The following SLC9A6 variants were observed in gnomAD, a reference collection of about 807,000 sequenced individuals.
SLC9A6 encodes solute carrier family 9 member A6.
SLC9A6 carries 6 observed loss-of-function variants against 45.3 expected under a neutral mutation model. That is an observed-to-expected ratio of 0.13 (90% CI 0.07 to 0.26). SLC9A6 has a LOEUF of 0.26. SLC9A6 is among the 10% of genes least tolerant of loss of function. SLC9A6 has a pLI of 1.00. For missense variants in SLC9A6, 278 were observed against 503.7 expected, an observed-to-expected ratio of 0.55 and a Z score of 4.29; for synonymous variants, 191 against 187.7, an observed-to-expected ratio of 1.02 and a Z score of -0.14.
At chrX:136,035,734 C>T (rs1251428753) in intron 16 of SLC9A6, among the ~76,000 whole-genome samples, 1 of 109,703 alleles carries the variant, frequency 9.1e-6, no homozygotes, top group African/African-American at 3.3e-5. Context: ...ATATGTTTAA[C>T]GTGTTTTTTG....
chrX:135,995,794 G>A, intron 3 of SLC9A6, among the ~76,000 whole-genome samples: 1 of 111,190 alleles, frequency 9.0e-6, no homozygotes, highest in Non-Finnish European at 1.9e-5. Context: ...CCCTAAGTGT[G>A]AGTCTGAGTT....
At chrX:136,039,990 C>A in intron 16 of SLC9A6, 86 bp from the exon 17 acceptor site, 1 of 743,874 alleles carries the variant, frequency 1.3e-6, no homozygotes. Context: ...GAAGTGGTTA[C>A]TATACTATGA....
At chrX:136,033,593 T>A (rs1053339522) in intron 16 of SLC9A6, 100 bp downstream of exon 16, 1 of 468,495 alleles carries the variant, frequency 2.1e-6, no homozygotes, top group Non-Finnish European at 3.7e-6. Flanking sequence ...TGGAGCAGAA[T>A]ATAAAACCTA....
At chrX:135,996,827 C>T (rs1241928752) in intron 3 of SLC9A6, among the ~76,000 whole-genome samples, 3 of 109,939 alleles carry the variant, frequency 2.7e-5, no homozygotes, top group East Asian at 2.8e-4. Flanking sequence ...AGTGCAGTGG[C>T]GTGATCTCGG....
At chrX:136,018,956 CTT>C (rs1449350700) in intron 11 of SLC9A6, among the ~76,000 whole-genome samples, 3 of 111,090 alleles carry the variant, frequency 2.7e-5, no homozygotes, top group African/African-American at 9.8e-5. Context: ...AGATCAGTAA[CTT>C]AATGTCCTGC....
chrX:135,982,507 A>G (rs2089291523), upstream of SLC9A6, among the ~76,000 whole-genome samples: 1 of 106,470 alleles, frequency 9.4e-6, no homozygotes, highest in African/African-American at 3.4e-5. Flanking sequence ...TTTTTGAGAC[A>G]AAGTCTCACT....
intron 16 of SLC9A6, among the ~76,000 whole-genome samples, chrX:136,035,648 T>C (rs930934065): frequency 8.0e-5 from 9 of 112,158 alleles, no homozygotes; most frequent in African/African-American, 1.9e-4. Context: ...CATGAATATA[T>C]ATCTTTTGGT....
At chrX:135,990,359 T>C (rs1414315289) in intron 2 of SLC9A6, among the ~76,000 whole-genome samples, 1 of 111,773 alleles carries the variant, frequency 8.9e-6, no homozygotes, top group Non-Finnish European at 1.9e-5. Context: ...TGCCTCCCTC[T>C]ATGTAGGAGG....
At chrX:135,991,889 G>C (rs6635208) in intron 2 of SLC9A6, among the ~76,000 whole-genome samples, 1 of 109,722 alleles carries the variant, frequency 9.1e-6, no homozygotes, top group Admixed American at 9.8e-5. Flanking sequence ...AATGTTGGCT[G>C]TTAATAGATC....
chrX:135,990,439 C>T (rs2089412318), intron 2 of SLC9A6, among the ~76,000 whole-genome samples: 1 of 112,405 alleles, frequency 8.9e-6, no homozygotes. Context: ...ATTGCTTTGA[C>T]TCTATGACTA....
At chrX:135,989,978 GT>G (rs1273807280) in intron 2 of SLC9A6, among the ~76,000 whole-genome samples, 1 of 110,728 alleles carries the variant, frequency 9.0e-6, no homozygotes, top group African/African-American at 3.3e-5. Context: ...TTGTGGTTGT[GT>G]TTTTTTTGTT....
chrX:136,039,875 T>G (rs1419066570), intron 16 of SLC9A6, among the ~76,000 whole-genome samples: 1 of 112,084 alleles, frequency 8.9e-6, no homozygotes, highest in African/African-American at 3.2e-5. Flanking sequence ...AGCCTCAGTT[T>G]CCATATCTGT....
intron 13 of SLC9A6, among the ~76,000 whole-genome samples, chrX:136,026,627 C>G (rs2071231263): frequency 9.1e-6 from 1 of 110,101 alleles, no homozygotes; most frequent in Non-Finnish European, 1.9e-5. Context: ...CCTCCGCCTC[C>G]CAGGTTCAAG....
upstream of SLC9A6, among the ~76,000 whole-genome samples, chrX:135,974,422 G>A (rs1369421286): frequency 1.8e-5 from 1 of 55,393 alleles, no homozygotes; most frequent in Non-Finnish European, 3.3e-5. Context: ...GGGACCGAGG[G>A]GCGGGGAGGA....
intron 10 of SLC9A6, among the ~76,000 whole-genome samples, chrX:136,014,426 G>T (rs189909235): frequency 8.9e-6 from 1 of 112,082 alleles, no homozygotes; most frequent in Non-Finnish European, 1.9e-5. Flanking sequence ...AGGGGGCGGT[G>T]GGGGAGGGGA....
At chrX:135,999,267 C>G (rs932285164) in intron 6 of SLC9A6, among the ~76,000 whole-genome samples, 12 of 109,497 alleles carry the variant, frequency 1.1e-4, no homozygotes, top group Non-Finnish European at 1.3e-4. Flanking sequence ...GGTCTTTATC[C>G]CTAGTGATTG....
chrX:136,017,187 A>G (rs1205995660), intron 11 of SLC9A6, among the ~76,000 whole-genome samples: 2 of 110,446 alleles, frequency 1.8e-5, no homozygotes, highest in African/African-American at 6.6e-5. Context: ...TCTCTCATAT[A>G]TATACAAAGA....
At chrX:136,019,671 GT>G (rs1207817025) in intron 11 of SLC9A6, among the ~76,000 whole-genome samples, 4 of 112,494 alleles carry the variant, frequency 3.6e-5, no homozygotes, top group African/African-American at 1.3e-4. Flanking sequence ...AATACAGAAA[GT>G]TCTCATATGC....
chrX:135,996,997 ACT>A (rs1208073092), intron 3 of SLC9A6, among the ~76,000 whole-genome samples: 1 of 110,276 alleles, frequency 9.1e-6, no homozygotes, highest in Non-Finnish European at 1.9e-5. Flanking sequence ...CGATCTCCTG[ACT>A]TTGTGATCCG....
Sources: allele counts gnomAD v4.1 joint callset (sites outside exome capture counted in the v4.1 genomes callset), GRCh38; gene constraint gnomAD v4.1.1; transcripts MANE v1.5; gene names NCBI Gene and HGNC (gene_info 2026-07-23, HGNC 2026-07-21).